Variants in MYT1L observed in about 807,000 individuals in gnomAD.
MYT1L encodes myelin transcription factor 1-like protein.
MYT1L carries 12 observed loss-of-function variants against 126.7 expected under a neutral mutation model. The observed-to-expected ratio is 0.09, with a 90% CI of 0.06 to 0.15. MYT1L has a LOEUF of 0.15. Among genes scored for constraint, MYT1L ranks in the 10% least tolerant of loss-of-function variants. The probability of loss-of-function intolerance (pLI) is 1.00; values close to 1 mark genes in which losing one functional copy is unlikely to be tolerated. For missense variants in MYT1L, 979 were observed against 1,585.2 expected, an observed-to-expected ratio of 0.62 and a Z score of 6.49; for synonymous variants, 541 against 604.2, an observed-to-expected ratio of 0.90 and a Z score of 1.53.
intron 2 of MYT1L, among the ~76,000 whole-genome samples, chr2:2,200,781 C>G (rs563119185): frequency 6.6e-6 from 1 of 152,124 alleles, no homozygotes; most frequent in East Asian, 1.9e-4. Flanking sequence ...CAGGGGGTTG[C>G]GCTCATGGCT....
intron 21 of MYT1L, among the ~76,000 whole-genome samples, chr2:1,819,172 T>C (rs1353512371): frequency 6.6e-6 from 1 of 152,224 alleles, no homozygotes; most frequent in Non-Finnish European, 1.5e-5. Context: ...GCCACTGCTA[T>C]TCGGCAGTGA....
intron 1 of MYT1L, among the ~76,000 whole-genome samples, chr2:2,315,426 C>T (rs2149643557): frequency 6.6e-6 from 1 of 152,216 alleles, no homozygotes. Flanking sequence ...AGTATATATC[C>T]TAGATAGCCT....
chr2:2,188,163 C>T (rs767414958), intron 2 of MYT1L, among the ~76,000 whole-genome samples: 1 of 152,164 alleles, frequency 6.6e-6, no homozygotes, highest in African/African-American at 2.4e-5. Flanking sequence ...CACTTCCTTC[C>T]CATGGCAAAA....
chr2:1,801,971 A>G lies in MYT1L; in HGVS notation c.3173-172T>C. On this transcript the variant is annotated intron_variant, in intron 22 of 24. Transcript: ENST00000647738. This position sits in a 1 kb window ranked among gnomAD's most constrained non-coding sequence, Gnocchi z 4.2. ...CAATCTCTGTGTCTTTCTATTCCCTACCACCGCCCCTTCCCCACCTAAGTT... is the reference window on the plus strand; with the variant it reads ...CAATCTCTGTGTCTTTCTATTCCCTGCCACCGCCCCTTCCCCACCTAAGTT... 1.8e-6 allele frequency: 1 copy of G among 558,148 alleles called. No homozygotes were observed. The highest frequency in any genetic ancestry group is 2.3e-5 in the South Asian group (1 of 43,372). 34.6% of individuals were successfully genotyped at this position (558,148 alleles called of 1,614,324 possible). A position where few individuals can be genotyped will look rare whatever the true frequency, so the allele number is the denominator to read the frequency against.
chr2:2,184,256 A>G (rs2091886942), intron 2 of MYT1L, among the ~76,000 whole-genome samples: 1 of 152,210 alleles, frequency 6.6e-6, no homozygotes, highest in South Asian at 2.1e-4. Context: ...CTTATTAATG[A>G]CATACAAAGT....
At chr2:2,162,581 TCTGA>T (rs1482271891) in intron 3 of MYT1L, among the ~76,000 whole-genome samples, 1 of 152,134 alleles carries the variant, frequency 6.6e-6, no homozygotes, top group Admixed American at 6.5e-5. Context: ...TGGATCTGAC[TCTGA>T]CTAAGGGAAC....
chr2:2,066,272 G>A lies in MYT1L; in HGVS notation c.-303-12149C>T, dbSNP rs13405202. On this transcript the variant is annotated intron_variant, in intron 3 of 24. Transcript: ENST00000647738. ...ATAGAAAAGTTCATATGTCCTTGCT[G>A]GGCACCAGGTGTGTTCTAAGAACTT... 2.3e-3 allele frequency among the ~76,000 whole-genome samples: 348 copies of A among 152,246 alleles called. 3 individuals are homozygous for A. The highest frequency in any genetic ancestry group is 8.1e-3 in the African/African-American group (338 of 41,536).
At chr2:2,247,797 G>C (rs556065651) in intron 2 of MYT1L, among the ~76,000 whole-genome samples, 2 of 152,166 alleles carry the variant, frequency 1.3e-5, no homozygotes, top group South Asian at 4.2e-4. Flanking sequence ...CAATGAGTCA[G>C]TAAAGAAATT....
At chr2:1,895,028 A>G (rs1010559806) in intron 14 of MYT1L, among the ~76,000 whole-genome samples, 1 of 152,234 alleles carries the variant, frequency 6.6e-6, no homozygotes, top group Admixed American at 6.5e-5. Context: ...CTTATCAATT[A>G]GAAAATGCTA....
At chr2:2,014,931 G>A (rs1054350964) in intron 4 of MYT1L, among the ~76,000 whole-genome samples, 1 of 152,336 alleles carries the variant, frequency 6.6e-6, no homozygotes, top group Middle Eastern at 3.4e-3. Context: ...TTTGAACTCC[G>A]AATTAAGATA....
intron 3 of MYT1L, among the ~76,000 whole-genome samples, chr2:2,117,491 G>A (rs1025697500): frequency 3.3e-5 from 5 of 152,138 alleles, no homozygotes; most frequent in African/African-American, 9.6e-5. Context: ...GATGGAAGAC[G>A]TGTGTCACTC....
At chr2:2,251,366 T>C (rs1024525239) in intron 2 of MYT1L, among the ~76,000 whole-genome samples, 1 of 152,194 alleles carries the variant, frequency 6.6e-6, no homozygotes, top group African/African-American at 2.4e-5. Flanking sequence ...TCTCCTGCCC[T>C]TGCAAGTGGT....
chr2:1,956,276 C>G (rs2058372055), intron 8 of MYT1L, among the ~76,000 whole-genome samples: 1 of 140,508 alleles, frequency 7.1e-6, no homozygotes. Flanking sequence ...ATCTGTCTAT[C>G]TACCTATCTA....
intron 3 of MYT1L, among the ~76,000 whole-genome samples, chr2:2,111,287 G>A (rs927723990): frequency 6.6e-6 from 1 of 152,122 alleles, no homozygotes; most frequent in East Asian, 1.9e-4. Context: ...TGGCATCCCC[G>A]CCTGGTGTCT....
chr2:2,257,449 G>T (rs568092215), intron 2 of MYT1L, among the ~76,000 whole-genome samples: 1 of 152,150 alleles, frequency 6.6e-6, no homozygotes. Flanking sequence ...AGGCTGAAGC[G>T]GTTGGATCAC....
intron 3 of MYT1L, among the ~76,000 whole-genome samples, chr2:2,158,093 C>A (rs1371527482): frequency 6.6e-6 from 1 of 151,926 alleles, no homozygotes; most frequent in Non-Finnish European, 1.5e-5. Context: ...TGGGTTGAAG[C>A]CTCATTTCAT....
intron 2 of MYT1L, among the ~76,000 whole-genome samples, chr2:2,266,681 C>T (rs1414514514): frequency 1.3e-5 from 2 of 152,112 alleles, no homozygotes; most frequent in African/African-American, 2.4e-5. Flanking sequence ...AATTGTAGCT[C>T]CCATAACTCC....
intron 3 of MYT1L, among the ~76,000 whole-genome samples, chr2:2,128,752 AT>A (rs765768528): frequency 9.2e-5 from 14 of 152,168 alleles, no homozygotes; most frequent in Non-Finnish European, 1.5e-4. Context: ...TCCCACCATA[AT>A]TCAACAGCAT....
rs527654524 is a variant in MYT1L at position 1,979,290 on chromosome 2, G to A, written c.90-63C>T. On this transcript the variant is annotated intron_variant, in intron 7 of 24. Transcript: ENST00000647738. The surrounding 1 kb of genome is among the most constrained non-coding windows in gnomAD (Gnocchi z 4.0). ...CAGGCAGGTGAGACGGAAAGCTTCCGTGGCAGCAGAGAGAAGGAGGGCGGC... is the reference window on the plus strand; with the variant it reads ...CAGGCAGGTGAGACGGAAAGCTTCCATGGCAGCAGAGAGAAGGAGGGCGGC... 1.4e-5 allele frequency: 21 copies of A among 1,468,832 alleles called. No individual in the cohort carries two copies. Among genetic ancestry groups the A allele is most frequent in the Middle Eastern group, 1.7e-4 (1 of 5,736 alleles). 91.0% of individuals were successfully genotyped at this position (1,468,832 alleles called of 1,614,324 possible).
Sources: allele counts gnomAD v4.1 joint callset (sites outside exome capture counted in the v4.1 genomes callset), GRCh38; gene constraint gnomAD v4.1.1; non-coding constraint Gnocchi (gnomAD v3.1); transcripts MANE v1.5; gene names NCBI Gene and HGNC (gene_info 2026-07-23, HGNC 2026-07-21).